KCND2: variants seen among roughly 807,000 people sequenced by gnomAD.
The protein encoded by KCND2 is A-type voltage-gated potassium channel KCND2.
A neutral mutation model predicts 54.4 loss-of-function variants in KCND2; 16 were observed. The ratio of observed to expected loss-of-function variants is 0.29; its 90% confidence interval spans 0.20 to 0.45. The LOEUF (loss-of-function observed/expected upper bound fraction) is 0.45. Ranked by LOEUF, KCND2 falls within the 20% of genes least tolerant of loss-of-function variation. The pLI is 1.00. For synonymous variants in KCND2, 317 were observed against 310.7 expected, an observed-to-expected ratio of 1.02 and a Z score of -0.21; for missense variants, 486 against 824.2, an observed-to-expected ratio of 0.59 and a Z score of 5.02.
chr7:120,735,590 T>C (rs983060134), intron 2 of KCND2, among the ~76,000 whole-genome samples: 3 of 152,104 alleles, frequency 2.0e-5, no homozygotes, highest in African/African-American at 7.2e-5. Context: ...TTTAGAAGCC[T>C]TTTGGTCTAC....
At chr7:120,304,383 C>A in intron 1 of KCND2, among the ~76,000 whole-genome samples, 1 of 152,020 alleles carries the variant, frequency 6.6e-6, no homozygotes, top group Non-Finnish European at 1.5e-5. Flanking sequence ...ATGTAAAGAC[C>A]AAACTGAATT....
chr7:120,495,829 A>G (rs1562855058), intron 1 of KCND2, among the ~76,000 whole-genome samples: 1 of 152,150 alleles, frequency 6.6e-6, no homozygotes. Flanking sequence ...TCTGTCTTTA[A>G]TGCAGCAAAA....
intron 1 of KCND2, among the ~76,000 whole-genome samples, chr7:120,540,939 G>A (rs1246690892): frequency 2.0e-5 from 3 of 151,972 alleles, no homozygotes; most frequent in African/African-American, 2.4e-5. Flanking sequence ...GATTGACTAG[G>A]CTATTCATTT....
intron 1 of KCND2, among the ~76,000 whole-genome samples, chr7:120,295,393 GACACACACACACACACAA>G (rs1563000235): frequency 9.2e-5 from 6 of 64,914 alleles, no homozygotes; most frequent in African/African-American, 1.4e-4. Context: ...CACACACACA[GACACACACACACACACAA>G]ACACACCCAC....
At chr7:120,394,342 G>A (rs1801121661) in intron 1 of KCND2, among the ~76,000 whole-genome samples, 2 of 151,910 alleles carry the variant, frequency 1.3e-5, no homozygotes, top group South Asian at 4.1e-4. Context: ...ACCTCTTGCT[G>A]GAGGGGCCAC....
intron 1 of KCND2, among the ~76,000 whole-genome samples, chr7:120,409,901 C>T (rs914347559): frequency 6.6e-6 from 1 of 151,770 alleles, no homozygotes; most frequent in Non-Finnish European, 1.5e-5. Flanking sequence ...TGATCAACTA[C>T]AGTTTATCAT....
intron 1 of KCND2, among the ~76,000 whole-genome samples, chr7:120,522,952 A>T (rs931604126): frequency 1.7e-4 from 26 of 152,096 alleles, no homozygotes; most frequent in Non-Finnish European, 5.9e-5. Flanking sequence ...CTGTCTTTTG[A>T]TTCCTATTCT....
At chr7:120,282,373 A>T (rs10265673) in intron 1 of KCND2, among the ~76,000 whole-genome samples, 3 of 152,286 alleles carry the variant, frequency 2.0e-5, no homozygotes, top group Non-Finnish European at 4.4e-5. Context: ...TAGGAGATAG[A>T]TGCAATTTCT....
intron 1 of KCND2, among the ~76,000 whole-genome samples, chr7:120,437,179 A>G (rs921600628): frequency 6.7e-6 from 1 of 150,284 alleles, no homozygotes; most frequent in African/African-American, 2.5e-5. Context: ...TGTATCAGCC[A>G]CTACTGGAGA....
chr7:120,649,923 T>C (rs1791705048), intron 1 of KCND2, among the ~76,000 whole-genome samples: 2 of 152,316 alleles, frequency 1.3e-5, no homozygotes, highest in East Asian at 1.9e-4. Context: ...TTCTTTTCTT[T>C]AAGAATGTTG....
intron 1 of KCND2, among the ~76,000 whole-genome samples, chr7:120,302,737 A>G (rs150825661): frequency 1.6e-4 from 24 of 152,358 alleles, no homozygotes; most frequent in Non-Finnish European, 2.8e-4. Flanking sequence ...TACAAACTGT[A>G]TTTAAAAACA....
chr7:120,522,183 C>T (rs1015248043), intron 1 of KCND2, among the ~76,000 whole-genome samples: 8 of 152,284 alleles, frequency 5.3e-5, no homozygotes, highest in African/African-American at 9.6e-5. Flanking sequence ...CTTTTGTCCT[C>T]ATCCTGTTGG....
At chr7:120,334,128 C>G (rs1028184835) in intron 1 of KCND2, among the ~76,000 whole-genome samples, 2 of 151,958 alleles carry the variant, frequency 1.3e-5, no homozygotes, top group Non-Finnish European at 2.9e-5. Context: ...CATAAGAAAA[C>G]CTGAGTGTGC....
chr7:120,441,785 G>A (rs1801948538), intron 1 of KCND2, among the ~76,000 whole-genome samples: 1 of 152,084 alleles, frequency 6.6e-6, no homozygotes, highest in Non-Finnish European at 1.5e-5. Flanking sequence ...GCTTATCGGA[G>A]ATAAAGAATG....
intron 1 of KCND2, among the ~76,000 whole-genome samples, chr7:120,527,432 T>A (rs969516594): frequency 6.6e-6 from 1 of 152,152 alleles, no homozygotes; most frequent in Non-Finnish European, 1.5e-5. Flanking sequence ...CTAGTGAGGT[T>A]GCTAAGTATA....
intron 1 of KCND2, among the ~76,000 whole-genome samples, chr7:120,693,523 G>A (rs1365769215): frequency 6.6e-6 from 1 of 151,946 alleles, no homozygotes; most frequent in Admixed American, 6.6e-5. Context: ...AAAAAAAATT[G>A]AGAGGAAGGA....
intron 1 of KCND2, among the ~76,000 whole-genome samples, chr7:120,579,601 A>AAAATAAAT (rs369944416): frequency 0.017 from 2,351 of 140,328 alleles, 30 homozygotes; most frequent in African/African-American, 0.04. Context: ...ACTCTGTCTA[A>AAAATAAAT]AAATAAATAA....
chr7:120,472,790 A>T (rs1802478139), intron 1 of KCND2, among the ~76,000 whole-genome samples: 1 of 152,200 alleles, frequency 6.6e-6, no homozygotes, highest in African/African-American at 2.4e-5. Context: ...AATAATTGTA[A>T]GTTTGTGAAG....
chr7:120,622,626 A>G (rs568289184), intron 1 of KCND2, among the ~76,000 whole-genome samples: 3 of 150,636 alleles, frequency 2.0e-5, no homozygotes, highest in African/African-American at 4.9e-5. Flanking sequence ...CGTCATTACC[A>G]TCTTCTCTCA....
Sources: gnomAD v4.1 joint callset for allele counts (sites outside exome capture counted in the v4.1 genomes callset) on GRCh38, gnomAD v4.1.1 for gene constraint, MANE v1.5 for transcripts, NCBI Gene and HGNC (gene_info 2026-07-23, HGNC 2026-07-21) for gene names.